Variants in ATP8A1 observed in about 807,000 individuals in gnomAD.
ATP8A1 encodes the protein ATPase phospholipid transporting 8A1, also known as phospholipid-transporting ATPase IA.
In ATP8A1, 90 loss-of-function variants were observed where a neutral mutation model predicts 177.7. That is an observed-to-expected ratio of 0.51 (90% CI 0.43 to 0.60). ATP8A1 has a LOEUF of 0.60. Ranked by LOEUF, ATP8A1 falls within the 20% of genes least tolerant of loss-of-function variation. The pLI, the probability that ATP8A1 is intolerant of heterozygous loss-of-function variation, is 0.00. For missense variants in ATP8A1, 1,072 were observed against 1,392.8 expected (o/e 0.77, Z 3.67); for synonymous variants, 493 against 485.9 (o/e 1.01, Z -0.19).
intron 33 of ATP8A1, among the ~76,000 whole-genome samples, chr4:42,435,217 G>T (rs1715778727): frequency 6.6e-6 from 1 of 152,030 alleles, no homozygotes; most frequent in Admixed American, 6.6e-5. Context: ...CCTGAGGTCA[G>T]GAGTTCGAGA....
At chr4:42,549,125 A>T in intron 18 of ATP8A1, 63 bp from the exon 19 acceptor site, 1 of 1,326,580 alleles carries the variant, frequency 7.5e-7, no homozygotes, top group Non-Finnish European at 1.1e-6. Flanking sequence ...CTAGGAAATA[A>T]ATCCTAGCCA....
At chr4:42,618,975 T>C (rs1337108193) in intron 4 of ATP8A1, among the ~76,000 whole-genome samples, 1 of 152,334 alleles carries the variant, frequency 6.6e-6, no homozygotes, top group East Asian at 1.9e-4. Context: ...CATTTATTCA[T>C]CACTTACTAT....
In ATP8A1 at chr4:42,523,527, A is replaced by G. The variant is rs561235527; in HGVS notation, c.1808-1228T>C. On this transcript the variant is annotated intron_variant, in intron 21 of 36. Coordinates refer to ENST00000381668, the MANE Select transcript of ATP8A1 (RefSeq NM_006095.2). ...GAGTGGAACTTAAATCCCTGAGGCC[A>G]TCTTAGGACATGTTTTTCTCTCTTG... Among the ~76,000 whole-genome samples, 36 of 152,324 alleles carry G rather than the reference A, an allele frequency of 2.4e-4. 1 individual carries two copies. The South Asian group carries it at 6.4e-3, about 27-fold the overall frequency.
intron 17 of ATP8A1, among the ~76,000 whole-genome samples, chr4:42,552,169 CT>C (rs1729566384): frequency 6.6e-6 from 1 of 152,174 alleles, no homozygotes; most frequent in African/African-American, 2.4e-5. Context: ...CTATTTGTAC[CT>C]GTGCAAAATC....
intron 14 of ATP8A1, among the ~76,000 whole-genome samples, chr4:42,570,273 A>G (rs2109315682): frequency 6.6e-6 from 1 of 152,298 alleles, no homozygotes; most frequent in Non-Finnish European, 1.5e-5. Flanking sequence ...CTCTCCTACC[A>G]AAGGGCTTTT....
chr4:42,510,151 T>A (rs1724864002), intron 22 of ATP8A1, among the ~76,000 whole-genome samples: 1 of 152,226 alleles, frequency 6.6e-6, no homozygotes, highest in Non-Finnish European at 1.5e-5. Flanking sequence ...TTCTTTTCAA[T>A]ATATTCCAAA....
intron 33 of ATP8A1, among the ~76,000 whole-genome samples, chr4:42,439,471 C>G (rs1716383988): frequency 1.3e-5 from 2 of 152,214 alleles, no homozygotes; most frequent in Non-Finnish European, 2.9e-5. Context: ...ATTTGTTTGT[C>G]TAAAACACGG....
At chr4:42,476,611 TA>T (rs879784297) in intron 25 of ATP8A1, among the ~76,000 whole-genome samples, 4,927 of 135,960 alleles carry the variant, frequency 0.036, 69 homozygotes, top group African/African-American at 0.047. Flanking sequence ...AGGGTGAGAT[TA>T]AAAAAAAAAA....
intron 4 of ATP8A1, among the ~76,000 whole-genome samples, chr4:42,622,809 A>C (rs918052038): frequency 1.3e-5 from 2 of 152,218 alleles, no homozygotes; most frequent in Non-Finnish European, 1.5e-5. Context: ...CGGGAGTTCG[A>C]GACCAGCCTG....
intron 33 of ATP8A1, among the ~76,000 whole-genome samples, chr4:42,423,921 A>G (rs1382355651): frequency 6.6e-6 from 1 of 152,196 alleles, no homozygotes; most frequent in Non-Finnish European, 1.5e-5. Context: ...CTTATAAGAT[A>G]TGGTGTAAAA....
intron 15 of ATP8A1, 58 bp downstream of exon 15, chr4:42,569,100 AAAC>A (rs1195292014): frequency 8.5e-7 from 1 of 1,182,710 alleles, no homozygotes; most frequent in African/African-American, 1.6e-5. Flanking sequence ...GTGTCTTACA[AAAC>A]AATAAAATGC....
intron 22 of ATP8A1, among the ~76,000 whole-genome samples, chr4:42,519,774 A>G (rs1429512433): frequency 1.3e-5 from 2 of 152,228 alleles, no homozygotes; most frequent in African/African-American, 2.4e-5. Flanking sequence ...ATTTTCAACA[A>G]CAGAGAGCAT....
At chr4:42,524,510 A>G (rs377273187) in intron 21 of ATP8A1, among the ~76,000 whole-genome samples, 4 of 152,060 alleles carry the variant, frequency 2.6e-5, no homozygotes, top group African/African-American at 9.7e-5. Context: ...ATCCACTCTA[A>G]AAGTAAAACA....
At chr4:42,504,664 G>A (rs1724186976) in intron 23 of ATP8A1, among the ~76,000 whole-genome samples, 1 of 152,082 alleles carries the variant, frequency 6.6e-6, no homozygotes, top group Admixed American at 6.6e-5. Flanking sequence ...CCTATTCACT[G>A]GTCTCCCTGA....
At chr4:42,557,975 C>T (rs1040731792) in intron 15 of ATP8A1, among the ~76,000 whole-genome samples, 7 of 151,770 alleles carry the variant, frequency 4.6e-5, no homozygotes, top group African/African-American at 1.2e-4. Context: ...TGCGGTGAGC[C>T]GAAACTGCAC....
intron 25 of ATP8A1, among the ~76,000 whole-genome samples, chr4:42,473,330 G>A (rs1720670928): frequency 6.6e-6 from 1 of 152,138 alleles, no homozygotes; most frequent in Non-Finnish European, 1.5e-5. Flanking sequence ...CAGCCTATAT[G>A]ATAGTAGTCC....
chr4:42,449,180 A>C (rs1287164096), intron 30 of ATP8A1, among the ~76,000 whole-genome samples: 1 of 152,186 alleles, frequency 6.6e-6, no homozygotes, highest in Non-Finnish European at 1.5e-5. Context: ...ATGATTCTGC[A>C]GTCTCTGGTT....
At chr4:42,601,917 GTT>G (rs34764950) in intron 5 of ATP8A1, among the ~76,000 whole-genome samples, 116,919 of 151,788 alleles carry the variant, frequency 0.77, 45,300 homozygotes, top group Non-Finnish European at 0.82. Flanking sequence ...TGAACTCAGT[GTT>G]TCACAATATA....
intron 24 of ATP8A1, among the ~76,000 whole-genome samples, chr4:42,494,881 A>AG (rs1323072111): frequency 2.6e-5 from 4 of 152,376 alleles, no homozygotes; most frequent in African/African-American, 9.6e-5. Context: ...CATGTTCTTC[A>AG]GACACAACAC....
Sources: allele counts gnomAD v4.1 joint callset (sites outside exome capture counted in the v4.1 genomes callset), GRCh38; gene constraint gnomAD v4.1.1; transcripts MANE v1.5; gene names NCBI Gene and HGNC (gene_info 2026-07-23, HGNC 2026-07-21).